RAPGEF1: variants seen among roughly 807,000 people sequenced by gnomAD.
The protein encoded by RAPGEF1 is Rap guanine nucleotide exchange factor 1.
Under a neutral mutation model 143.3 loss-of-function variants are expected in RAPGEF1, and 33 were observed. The ratio of observed to expected loss-of-function variants is 0.23; its 90% CI spans 0.17 to 0.31. The LOEUF is 0.31. Among genes scored for constraint, RAPGEF1 ranks in the 10% least tolerant of loss-of-function variants. RAPGEF1 has a pLI of 1.00. For synonymous variants in RAPGEF1, 629 were observed against 676.5 expected (o/e 0.93, Z 1.09); for missense variants, 1,199 against 1,645.4 (o/e 0.73, Z 4.69).
chr9:131,627,983 T>C lies in RAPGEF1; in HGVS notation c.1131A>G (p.Ser377=), dbSNP rs747354582. The C allele has an allele frequency of 1.9e-5, 31 of 1,593,218 alleles. No individual in the cohort carries two copies. In the African/African-American group the frequency reaches 3.8e-4, roughly 19 times the overall value. The part of the protein sequence containing the change: ...PCSSIGKLSK[S]DEQLSSLDRD... ...TGTCCAGAGAGGACAGCTGCTCGTCTGACTTGCTGAGCTTGCCTATGCTGC... is the reference window on the plus strand; with the variant it reads ...TGTCCAGAGAGGACAGCTGCTCGTCCGACTTGCTGAGCTTGCCTATGCTGC... The change falls in exon 9 of 27, where the codon TCA becomes TCG. Residue 377 remains serine (S), a synonymous_variant. Coordinates refer to ENST00000683357, the MANE Select transcript of RAPGEF1 (RefSeq NM_001377935.1).
intron 1 of RAPGEF1, among the ~76,000 whole-genome samples, chr9:131,704,610 G>A (rs937615024): frequency 6.6e-6 from 1 of 152,142 alleles, no homozygotes; most frequent in African/African-American, 2.4e-5. Flanking sequence ...TGGGATTTTT[G>A]AAGGAGATAA....
chr9:131,610,487 G>A (rs1461707285), intron 12 of RAPGEF1, among the ~76,000 whole-genome samples: 1 of 152,200 alleles, frequency 6.6e-6, no homozygotes, highest in Non-Finnish European at 1.5e-5. Flanking sequence ...GCCAGAAATT[G>A]GTCATTACTG....
intron 1 of RAPGEF1, among the ~76,000 whole-genome samples, chr9:131,713,770 C>CTGGAGTGGGTTT (rs1289388373): frequency 6.6e-6 from 1 of 152,064 alleles, no homozygotes; most frequent in Admixed American, 6.5e-5. Flanking sequence ...GTCTGGGCCA[C>CTGGAGTGGGTTT]AGAGCGAGAA....
At chr9:131,591,721 C>T (rs542385555) in intron 18 of RAPGEF1, among the ~76,000 whole-genome samples, 1 of 152,302 alleles carries the variant, frequency 6.6e-6, no homozygotes, top group Non-Finnish European at 1.5e-5. Context: ...CTGCCGGAGC[C>T]GACCATGAGG....
chr9:131,702,579 G>A (rs1834742701), intron 1 of RAPGEF1, among the ~76,000 whole-genome samples: 1 of 152,192 alleles, frequency 6.6e-6, no homozygotes, highest in Admixed American at 6.5e-5. Context: ...CAGTGCTGAT[G>A]TGCTTGAGAG....
chr9:131,632,126 ACT>A (rs902933784), intron 5 of RAPGEF1, among the ~76,000 whole-genome samples: 13 of 145,580 alleles, frequency 8.9e-5, no homozygotes, highest in African/African-American at 2.8e-4. Context: ...AGAGATTGAG[ACT>A]CTCTCTTTTT....
At chr9:131,726,612 C>A (rs1307760809) in intron 1 of RAPGEF1, among the ~76,000 whole-genome samples, 1 of 78,094 alleles carries the variant, frequency 1.3e-5, no homozygotes, top group East Asian at 3.3e-4. Context: ...GGGGACAGAG[C>A]GAGACTCTGT....
chr9:131,595,944 G>T (rs1454252483), intron 17 of RAPGEF1, among the ~76,000 whole-genome samples: 1 of 152,246 alleles, frequency 6.6e-6, no homozygotes, highest in African/African-American at 2.4e-5. Flanking sequence ...AGTCAGGAAA[G>T]GAATCAAAAG....
At chr9:131,717,631 G>T (rs189596509) in intron 1 of RAPGEF1, among the ~76,000 whole-genome samples, 5 of 152,190 alleles carry the variant, frequency 3.3e-5, no homozygotes, top group African/African-American at 1.2e-4. Flanking sequence ...ATATTAGCGA[G>T]GCATGGTGGT....
Position 131,650,974 on chromosome 9 carries a change from G to A in RAPGEF1, c.62-25C>T, listed in dbSNP as rs1395056787. 6.2e-7 allele frequency: 1 copy of A among 1,609,656 alleles called. No individual in the cohort carries two copies. The highest frequency in any genetic ancestry group is 1.7e-4 in the Middle Eastern group (1 of 6,054). On this transcript the variant is annotated intron_variant, in intron 1 of 26. Transcript: ENST00000683357. This position sits in a 1 kb window ranked among gnomAD's most constrained non-coding sequence, Gnocchi z 4.7. Reference sequence around the variant, plus strand: ...TCTGAAAACAAAGAGGGTACTGACTGTTAGATGGGAGTGGGAAGAAGCGAT... The same window carrying A: ...TCTGAAAACAAAGAGGGTACTGACTATTAGATGGGAGTGGGAAGAAGCGAT...
intron 1 of RAPGEF1, among the ~76,000 whole-genome samples, chr9:131,671,549 C>G (rs1201586062): frequency 6.6e-6 from 1 of 152,224 alleles, no homozygotes; most frequent in African/African-American, 2.4e-5. Flanking sequence ...AATGCAGGCT[C>G]TGCACTCAGG....
intron 1 of RAPGEF1, among the ~76,000 whole-genome samples, chr9:131,710,759 C>T (rs990955695): frequency 1.3e-5 from 2 of 152,078 alleles, no homozygotes; most frequent in Non-Finnish European, 2.9e-5. Flanking sequence ...CGTGGTGGGA[C>T]GAAGCTGTAA....
chr9:131,635,013 A>G (rs1965977392), intron 5 of RAPGEF1, among the ~76,000 whole-genome samples: 1 of 152,100 alleles, frequency 6.6e-6, no homozygotes. Flanking sequence ...GCTCTGAGCT[A>G]CAGGCTCCCG....
intron 1 of RAPGEF1, among the ~76,000 whole-genome samples, chr9:131,717,178 C>A (rs565908525): frequency 3.9e-5 from 6 of 152,236 alleles, no homozygotes; most frequent in African/African-American, 1.4e-4. Context: ...GGCTGTGATG[C>A]CTCTGCCCTT....
chr9:131,733,813 C>T (rs552489915), intron 1 of RAPGEF1, among the ~76,000 whole-genome samples: 5 of 152,296 alleles, frequency 3.3e-5, no homozygotes, highest in African/African-American at 9.6e-5. Context: ...ATCTCCAATC[C>T]GGGCTACTTT....
At chr9:131,644,379 G>T (rs1018072705) in intron 3 of RAPGEF1, among the ~76,000 whole-genome samples, 1 of 147,090 alleles carries the variant, frequency 6.8e-6, no homozygotes, top group Non-Finnish European at 1.5e-5. Flanking sequence ...GTTCTGGTTT[G>T]GGAGGCTGTC....
rs750736203 is a variant in RAPGEF1 at position 131,650,794 on chromosome 9, T to C, written c.201+16A>G. The C allele has an allele frequency of 2.5e-6, 4 of 1,612,702 alleles. No individual in the cohort carries two copies. Among genetic ancestry groups the C allele is most frequent in the South Asian group, 1.1e-5 (1 of 90,952 alleles). ...GAAGCAGGTGAGGCCAGGAGAAACA[T>C]CCAGAGTCAGCTTACTTTGTTCACA... On this transcript the variant is annotated intron_variant, in intron 2 of 26. Coordinates refer to ENST00000683357, the MANE Select transcript of RAPGEF1 (RefSeq NM_001377935.1). The surrounding 1 kb of genome is among the most constrained non-coding windows in gnomAD (Gnocchi z 4.7).
chr9:131,731,722 T>C (rs1837087535), intron 1 of RAPGEF1, among the ~76,000 whole-genome samples: 1 of 152,206 alleles, frequency 6.6e-6, no homozygotes, highest in Non-Finnish European at 1.5e-5. Flanking sequence ...CATCCTGTGC[T>C]CAGTGCTCCA....
At chr9:131,737,232 A>G (rs1401608048) in intron 1 of RAPGEF1, among the ~76,000 whole-genome samples, 1 of 151,954 alleles carries the variant, frequency 6.6e-6, no homozygotes, top group African/African-American at 2.4e-5. Context: ...GCTTCTCACA[A>G]AATGCATCTT....
Sources: gnomAD v4.1 joint callset for allele counts (sites outside exome capture counted in the v4.1 genomes callset) on GRCh38, gnomAD v4.1.1 for gene constraint, Gnocchi (gnomAD v3.1) non-coding constraint, MANE v1.5 for transcripts, NCBI Gene and HGNC (gene_info 2026-07-23, HGNC 2026-07-21) for gene names.